USP6NL: variants seen among roughly 807,000 people sequenced by gnomAD.
The protein encoded by USP6NL is USP6 N-terminal-like protein.
Under a neutral mutation model 61.9 loss-of-function variants are expected in USP6NL, and 26 were observed. The ratio of observed to expected loss-of-function variants is 0.42; its 90% CI spans 0.31 to 0.58. USP6NL has a LOEUF of 0.58. USP6NL is among the 20% of genes least tolerant of loss of function. The pLI, the probability that USP6NL is intolerant of heterozygous loss-of-function variation, is 0.16. For synonymous variants in USP6NL, 432 were observed against 390.1 expected (o/e 1.11, Z -1.27); for missense variants, 1,114 against 1,034.3 (o/e 1.08, Z -1.06).
intron 6 of USP6NL, among the ~76,000 whole-genome samples, chr10:11,503,086 C>A (rs1231567148): frequency 6.6e-6 from 1 of 152,116 alleles, no homozygotes; most frequent in Non-Finnish European, 1.5e-5. Flanking sequence ...TAATATCATC[C>A]ACAAAAAGTC....
At chr10:11,483,702 A>G in intron 13 of USP6NL, among the ~76,000 whole-genome samples, 2 of 74,168 alleles carry the variant, frequency 2.7e-5, no homozygotes, top group African/African-American at 5.5e-5. Flanking sequence ...GGGGAGGCAA[A>G]AGGCAGTGTT....
chr10:11,488,183 G>A (rs981567732), intron 10 of USP6NL, among the ~76,000 whole-genome samples: 10 of 152,074 alleles, frequency 6.6e-5, no homozygotes, highest in African/African-American at 1.9e-4. Context: ...AGGCTGAGGC[G>A]GGAGGTTCAC....
In USP6NL at chr10:11,462,737, G is replaced by T; in HGVS notation, c.2191C>A (p.Pro731Thr). ...ACTTCTGACCATGTTCTGTTATCTG[G>T]CAAGTAATCCACTGGTGGAATGATC... ...KLIIPPVDYL[P>T]DNRTWSEVSY... The change falls in exon 15 of 15, where the codon CCA becomes ACA. Residue 731 changes from proline (P) to threonine (T), a missense_variant. Pro to Thr is a conservative substitution (Grantham distance 38, BLOSUM62 -1). Transcript: ENST00000609104. The T allele has an allele frequency of 1.2e-6, 2 of 1,614,002 alleles. No homozygotes were observed. Among genetic ancestry groups the T allele is most frequent in the Non-Finnish European group, 1.7e-6 (2 of 1,179,892 alleles).
intron 2 of USP6NL, among the ~76,000 whole-genome samples, chr10:11,590,993 CTGACT>C (rs1271279890): frequency 6.6e-6 from 1 of 152,150 alleles, no homozygotes; most frequent in Non-Finnish European, 1.5e-5. Context: ...AATTTTCTCA[CTGACT>C]TAACAGTAAA....
Position 11,598,083 on chromosome 10 carries a change from C to A in USP6NL, c.-83-366G>T, listed in dbSNP as rs1209743081. Among the ~76,000 whole-genome samples the A allele has an allele frequency of 1.3e-5, 2 of 152,146 alleles. No individual in the cohort carries two copies. Among genetic ancestry groups the A allele is most frequent in the African/African-American group, 4.8e-5 (2 of 41,430 alleles). On this transcript the variant is annotated intron_variant, in intron 1 of 14. Transcript: ENST00000609104. The surrounding 1 kb of genome is among the most constrained non-coding windows in gnomAD (Gnocchi z 4.7). ...AGGGTAAATACAGCCCACATCATCC[C>A]TGCTGAGTATATTTTGACTGCACAT... is the stretch of plus-strand genomic sequence containing the variant.
At chr10:11,555,868 CT>C (rs1293844287) in intron 2 of USP6NL, among the ~76,000 whole-genome samples, 1 of 152,092 alleles carries the variant, frequency 6.6e-6, no homozygotes, top group Non-Finnish European at 1.5e-5. Context: ...TCTTAAAATG[CT>C]AAAATAACCA....
At chr10:11,504,080 G>A (rs955371417) in intron 6 of USP6NL, among the ~76,000 whole-genome samples, 3 of 152,088 alleles carry the variant, frequency 2.0e-5, no homozygotes, top group African/African-American at 7.2e-5. Context: ...CAAGCAGTAG[G>A]AGGTGACAAA....
At chr10:11,608,197 T>C (rs1564247635) in intron 1 of USP6NL, among the ~76,000 whole-genome samples, 1 of 152,214 alleles carries the variant, frequency 6.6e-6, no homozygotes, top group Non-Finnish European at 1.5e-5. Context: ...TTATTTAACA[T>C]TTAATCCCAG....
At chr10:11,541,266 T>TAC (rs1836052307) in intron 2 of USP6NL, among the ~76,000 whole-genome samples, 1 of 136,512 alleles carries the variant, frequency 7.3e-6, no homozygotes, top group Non-Finnish European at 1.6e-5. Flanking sequence ...TATATATATA[T>TAC]ATATATATAT....
At position 11,474,575 on chromosome 10, in the gene USP6NL, T is replaced by A. The variant is rs1832888573; in HGVS notation, c.1078+7195A>T. ...TTTGCCAGATTTTAAAATACTATAC[T>A]AACTTTTGTAAACTGAATTAAATGT... On this transcript the variant is annotated intron_variant, in intron 14 of 14. Coordinates refer to ENST00000609104, the MANE Select transcript of USP6NL (RefSeq NM_014688.5). The surrounding 1 kb of genome is among the most constrained non-coding windows in gnomAD (Gnocchi z 4.9). 6.6e-6 allele frequency among the ~76,000 whole-genome samples: 1 copy of A among 152,230 alleles called. No individual in the cohort carries two copies. The highest frequency in any genetic ancestry group is 6.5e-5 in the Admixed American group (1 of 15,286).
intron 2 of USP6NL, among the ~76,000 whole-genome samples, chr10:11,530,101 CAAAAAAAAA>C (rs900768943): frequency 1.9e-4 from 14 of 72,014 alleles, no homozygotes; most frequent in Admixed American, 4.9e-4. Flanking sequence ...GACCCTGTCT[CAAAAAAAAA>C]AAAAAAAAAA....
At position 11,556,500 on chromosome 10, in the gene USP6NL, A is replaced by T. The variant is rs75957378; in HGVS notation, c.5-28933T>A. ...AAAGGCAATCAGATTAAATGTAAAA[A>T]AACAGATATATGCTATTTAGAAAAG... On this transcript the variant is annotated intron_variant, in intron 2 of 14. Transcript: ENST00000609104. Among the ~76,000 whole-genome samples, 106 of 152,318 alleles carry T rather than the reference A, an allele frequency of 7.0e-4. 1 individual carries two copies. In the East Asian group the frequency reaches 0.019, roughly 27 times the overall value.
chr10:11,515,220 T>C (rs1287662479), intron 5 of USP6NL, among the ~76,000 whole-genome samples: 1 of 152,230 alleles, frequency 6.6e-6, no homozygotes, highest in African/African-American at 2.4e-5. Context: ...CTTTGTCTTC[T>C]ATCTGGTCCA....
At position 11,589,788 on chromosome 10, in the gene USP6NL, G is replaced by C. The variant is rs1404718805; in HGVS notation, c.4+7843C>G. Among the ~76,000 whole-genome samples, 1 of 152,170 alleles carries C rather than the reference G, an allele frequency of 6.6e-6. No homozygotes were observed. The highest frequency in any genetic ancestry group is 1.5e-5 in the Non-Finnish European group (1 of 68,034). On this transcript the variant is annotated intron_variant, in intron 2 of 14. Coordinates refer to ENST00000609104, the MANE Select transcript of USP6NL (RefSeq NM_014688.5). The surrounding 1 kb of genome is among the most constrained non-coding windows in gnomAD (Gnocchi z 4.7). ...TATAAATGTTAATGAATATCTATTA[G>C]TGTCTGACTATAATCTTTTTATATT... is the stretch of plus-strand genomic sequence containing the variant.
rs1321792558 is a variant in USP6NL, at chr10:11,598,587, A to AT, written c.-83-871dup. Among the ~76,000 whole-genome samples, 1 of 152,220 alleles carries AT rather than the reference A, an allele frequency of 6.6e-6. No individual in the cohort carries two copies. The highest frequency in any genetic ancestry group is 6.5e-5 in the Admixed American group (1 of 15,284). On this transcript the variant is annotated intron_variant, in intron 1 of 14. Transcript: ENST00000609104. This position sits in a 1 kb window ranked among gnomAD's most constrained non-coding sequence, Gnocchi z 4.7. ...AAATCTATCATATAAAATTCCACAG[A>AT]TAAGATCAGACTCAACACAAAATGT... is the stretch of plus-strand genomic sequence containing the variant.
chr10:11,515,817 G>A (rs1734182027), intron 5 of USP6NL, among the ~76,000 whole-genome samples: 1 of 152,154 alleles, frequency 6.6e-6, no homozygotes, highest in African/African-American at 2.4e-5. Context: ...GTCAGAAGAA[G>A]ACAAGAAGTA....
In USP6NL at chr10:11,490,246, A is replaced by G. The variant is rs1387571647; in HGVS notation, c.543+586T>C. Among the ~76,000 whole-genome samples the G allele has an allele frequency of 6.6e-6, 1 of 152,214 alleles. No homozygotes were observed. Among genetic ancestry groups the G allele is most frequent in the Non-Finnish European group, 1.5e-5 (1 of 68,044 alleles). On this transcript the variant is annotated intron_variant, in intron 9 of 14. Transcript: ENST00000609104. The surrounding 1 kb of genome is among the most constrained non-coding windows in gnomAD (Gnocchi z 4.5). ...AAAGGTCCTCCCTGGGACCTAGTCA[A>G]CAAGTATTCATTTAACACCCACATT...
At chr10:11,526,953 G>A (rs999560943) in intron 3 of USP6NL, among the ~76,000 whole-genome samples, 1 of 152,272 alleles carries the variant, frequency 6.6e-6, no homozygotes, top group South Asian at 2.1e-4. Context: ...TGTAAATTAT[G>A]AACGCAACGG....
intron 2 of USP6NL, among the ~76,000 whole-genome samples, chr10:11,566,152 G>A (rs1227556637): frequency 4.6e-5 from 7 of 152,206 alleles, no homozygotes; most frequent in Admixed American, 2.6e-4. Flanking sequence ...CCTGATGAAG[G>A]AGGCTGTACT....
Sources: gnomAD v4.1 joint callset for allele counts (sites outside exome capture counted in the v4.1 genomes callset) on GRCh38, gnomAD v4.1.1 for gene constraint, Gnocchi (gnomAD v3.1) non-coding constraint, MANE v1.5 for transcripts, NCBI Gene and HGNC (gene_info 2026-07-23, HGNC 2026-07-21) for gene names.